MCPH1: variants seen among roughly 807,000 people sequenced by gnomAD.
MCPH1 encodes microcephalin 1, also known as microcephalin.
MCPH1 carries 104 observed loss-of-function variants against 84.5 expected under a neutral mutation model. The observed-to-expected ratio is 1.23, with a 90% CI of 1.05 to 1.45. The LOEUF (loss-of-function observed/expected upper bound fraction) is 1.45. Ranked by LOEUF, MCPH1 falls within the 40% of genes most tolerant of loss-of-function variation. The probability of loss-of-function intolerance (pLI) is 0.00; values close to 1 mark genes in which losing one functional copy is unlikely to be tolerated. For synonymous variants in MCPH1, 514 were observed against 366.8 expected (o/e 1.40, Z -4.58); for missense variants, 1,498 against 1,005.7 (o/e 1.49, Z -6.62).
intron 12 of MCPH1, among the ~76,000 whole-genome samples, chr8:6,511,599 T>C (rs1815110601): frequency 6.6e-6 from 1 of 152,198 alleles, no homozygotes; most frequent in African/African-American, 2.4e-5. Flanking sequence ...TCTCAAAGCA[T>C]TTGCAGTTAT....
chr8:6,439,058 A>T lies in MCPH1; in HGVS notation c.542A>T (p.Gln181Leu). 6.2e-7 allele frequency: 1 copy of T among 1,613,612 alleles called. No individual in the cohort carries two copies. The highest frequency in any genetic ancestry group is 1.1e-5 in the South Asian group (1 of 91,070). ...CACAGCGCAATGGAGAAGAGATTACAAGAGATGAAGGAGAAAAGGGAAAAT... is the reference window on the plus strand; with the variant it reads ...CACAGCGCAATGGAGAAGAGATTACTAGAGATGAAGGAGAAAAGGGAAAAT... ...RHHSAMEKRLQEMKEKRENLS... is the reference protein window; with the variant it reads ...RHHSAMEKRLLEMKEKRENLS... The change falls in exon 6 of 14, where the codon CAA (glutamine) becomes CTA (leucine). Residue 181 changes from glutamine to leucine, a missense_variant. Gln to Leu is a moderately radical substitution (Grantham distance 113, BLOSUM62 -2). Transcript: ENST00000344683.
At position 6,480,873 on chromosome 8, in the gene MCPH1, T is replaced by C. The variant is rs375451164; in HGVS notation, c.2133T>C (p.Asp711=). 16 of 1,613,998 alleles carry C rather than the reference T, an allele frequency of 9.9e-6. No homozygotes were observed. The African/African-American group carries it at 1.2e-4, about 12-fold the overall frequency. Residue 711 remains aspartate (D), a synonymous_variant, in exon 11 of 14, where the codon GAT becomes GAC. Coordinates refer to ENST00000344683, the MANE Select transcript of MCPH1 (RefSeq NM_024596.5). ...GTGGCTGCTGGGTTCTCTCTTATGA[T>C]TGGGTAAGCCCTGTGTGTGAACTGC... The part of the protein sequence containing the change: ...IARGCWVLSY[D]WVLWSLELGH...
chr8:6,458,542 C>T (rs934635890), intron 9 of MCPH1, among the ~76,000 whole-genome samples: 16 of 150,944 alleles, frequency 1.1e-4, no homozygotes, highest in African/African-American at 2.2e-4. Context: ...GTTTTAGGAG[C>T]GCAAATTTGA....
chr8:6,432,527 A>G (rs1157634354), intron 4 of MCPH1, among the ~76,000 whole-genome samples: 1 of 152,214 alleles, frequency 6.6e-6, no homozygotes. Flanking sequence ...CTATTTATGT[A>G]AAAGTTCTAA....
intron 11 of MCPH1, among the ~76,000 whole-genome samples, chr8:6,491,365 ATGGTTTCTTTCTT>A (rs1390080303): frequency 6.4e-5 from 9 of 141,338 alleles, no homozygotes; most frequent in Non-Finnish European, 1.2e-4. Flanking sequence ...AGTAGAGTCT[ATGGTTTCTTTCTT>A]TTTTTTTTTT....
intron 12 of MCPH1, chr8:6,621,251 G>A: frequency 1.6e-6 from 1 of 635,898 alleles, no homozygotes; most frequent in African/African-American, 1.8e-5. Context: ...TTTTACGCAT[G>A]GCTACTTCAG....
chr8:6,575,026 C>T (rs1826955192), intron 12 of MCPH1, among the ~76,000 whole-genome samples: 2 of 152,184 alleles, frequency 1.3e-5, no homozygotes, highest in African/African-American at 4.8e-5. Flanking sequence ...GGCAGCTGCA[C>T]AGATAGGATT....
intron 6 of MCPH1, 24 bp downstream of exon 6, chr8:6,439,120 A>G: frequency 6.2e-7 from 1 of 1,605,408 alleles, no homozygotes; most frequent in South Asian, 1.1e-5. Flanking sequence ...TTGTAAAATG[A>G]AAATTATGCA....
intron 12 of MCPH1, among the ~76,000 whole-genome samples, chr8:6,598,068 GT>G (rs1288130382): frequency 6.6e-6 from 1 of 152,160 alleles, no homozygotes; most frequent in African/African-American, 2.4e-5. Context: ...CACGTATTTA[GT>G]TATACTTGTG....
intron 12 of MCPH1, among the ~76,000 whole-genome samples, chr8:6,550,382 A>G (rs961122666): frequency 2.0e-5 from 3 of 152,166 alleles, no homozygotes; most frequent in African/African-American, 7.2e-5. Flanking sequence ...GTAGGGCTGC[A>G]CCCAGACACG....
intron 13 of MCPH1, among the ~76,000 whole-genome samples, chr8:6,623,964 G>A (rs1409332482): frequency 6.6e-6 from 1 of 152,214 alleles, no homozygotes; most frequent in Non-Finnish European, 1.5e-5. Context: ...CAGTCTTTTT[G>A]GAGTTTGCAA....
At chr8:6,618,884 C>T (rs1047157740) in intron 12 of MCPH1, 3 of 152,180 alleles carry the variant, frequency 2.0e-5, no homozygotes, top group Admixed American at 1.3e-4. Context: ...TCCGCCTTCC[C>T]ACTGGGCCAT....
chr8:6,597,896 C>T (rs1482519891), intron 12 of MCPH1, among the ~76,000 whole-genome samples: 1 of 152,204 alleles, frequency 6.6e-6, no homozygotes, highest in Non-Finnish European at 1.5e-5. Context: ...GAAACGTGAG[C>T]TCTCCAAAGG....
chr8:6,601,256 C>G (rs1210634324), intron 12 of MCPH1, among the ~76,000 whole-genome samples: 1 of 152,188 alleles, frequency 6.6e-6, no homozygotes, highest in Non-Finnish European at 1.5e-5. Context: ...CTCTGGAAAA[C>G]AGTTCTCATC....
intron 9 of MCPH1, among the ~76,000 whole-genome samples, chr8:6,461,892 A>G (rs1585907415): frequency 6.6e-6 from 1 of 152,234 alleles, no homozygotes; most frequent in East Asian, 1.9e-4. Flanking sequence ...TTCTCCAAGT[A>G]TTTGGTTTAT....
chr8:6,632,370 C>A (rs1302867184), intron 13 of MCPH1, among the ~76,000 whole-genome samples: 1 of 152,038 alleles, frequency 6.6e-6, no homozygotes, highest in East Asian at 1.9e-4. Context: ...TTTAAAGGCA[C>A]CCTCCACAGA....
At chr8:6,636,043 A>G (rs1797525404) in intron 13 of MCPH1, among the ~76,000 whole-genome samples, 1 of 152,246 alleles carries the variant, frequency 6.6e-6, no homozygotes, top group South Asian at 2.1e-4. Flanking sequence ...AGTAGCATAT[A>G]AATTCAGAGT....
In MCPH1 at chr8:6,493,276, C is replaced by T. The variant is rs562645095; in HGVS notation, c.2137-6576C>T. ...TTAAGCCTTAACATCGAGAATCACC[C>T]ATTTTCATTTTTGAAAACTGGAAAG... is the stretch of plus-strand genomic sequence containing the variant. On this transcript the variant is annotated intron_variant, in intron 11 of 13. Coordinates refer to ENST00000344683, the MANE Select transcript of MCPH1 (RefSeq NM_024596.5). 1.2e-4 allele frequency among the ~76,000 whole-genome samples: 19 copies of T among 152,164 alleles called. No homozygotes were observed. In the South Asian group the frequency reaches 4.0e-3, roughly 32 times the overall value.
At chr8:6,454,197 C>T (rs752598896) in intron 8 of MCPH1, among the ~76,000 whole-genome samples, 1 of 152,154 alleles carries the variant, frequency 6.6e-6, no homozygotes, top group South Asian at 2.1e-4. Context: ...TCTGCATCTA[C>T]ATTGTCTATT....
Sources: gnomAD v4.1 joint callset for allele counts (sites outside exome capture counted in the v4.1 genomes callset) on GRCh38, gnomAD v4.1.1 for gene constraint, MANE v1.5 for transcripts, NCBI Gene and HGNC (gene_info 2026-07-23, HGNC 2026-07-21) for gene names.